The following COPG2 variants were observed in gnomAD, a reference collection of about 807,000 sequenced individuals.
The protein encoded by COPG2 is coatomer subunit gamma-2.
Under a neutral mutation model 46.3 loss-of-function variants are expected in COPG2, and 37 were observed. The ratio of observed to expected loss-of-function variants is 0.80; its 90% CI spans 0.61 to 1.05. The LOEUF (loss-of-function observed/expected upper bound fraction) is 1.05. Ranked by LOEUF, COPG2 falls within the 50% of genes least tolerant of loss-of-function variation. The probability of loss-of-function intolerance (pLI) is 0.00; values close to 1 mark genes in which losing one functional copy is unlikely to be tolerated. For missense variants in COPG2, 427 were observed against 387.8 expected, an observed-to-expected ratio of 1.10 and a Z score of -0.85; for synonymous variants, 159 against 129.7, an observed-to-expected ratio of 1.23 and a Z score of -1.53.
At chr7:130,662,471 A>G (rs1554460929) in intron 4 of COPG2, among the ~76,000 whole-genome samples, 1 of 152,240 alleles carries the variant, frequency 6.6e-6, no homozygotes, top group Admixed American at 6.5e-5. Context: ...AAGACAGACA[A>G]AAAGCAGCAG....
chr7:130,513,373 A>ATGTGTG (rs1331023317), intron 20 of COPG2, among the ~76,000 whole-genome samples: 2 of 47,064 alleles, frequency 4.2e-5, no homozygotes, highest in Non-Finnish European at 6.2e-5. Flanking sequence ...ATATATATAT[A>ATGTGTG]TATGTGTGTG....
At chr7:130,659,463 G>A (rs2116256975) in intron 4 of COPG2, among the ~76,000 whole-genome samples, 1 of 151,708 alleles carries the variant, frequency 6.6e-6, no homozygotes, top group South Asian at 2.1e-4. Flanking sequence ...AGTATCATTT[G>A]TAATAGGTAA....
intron 12 of COPG2, 52 bp from the exon 13 acceptor site, chr7:130,555,184 T>C: frequency 2.5e-6 from 1 of 396,796 alleles, no homozygotes; most frequent in Non-Finnish European, 4.4e-6. Context: ...AACTACCACC[T>C]ATAAAAAGCA....
intron 5 of COPG2, among the ~76,000 whole-genome samples, chr7:130,652,546 T>C (rs1198233308): frequency 2.6e-5 from 4 of 152,248 alleles, no homozygotes; most frequent in Admixed American, 6.5e-5. Context: ...GTTCTTTATA[T>C]ATTACAGATG....
chr7:130,529,299 A>T (rs1213260155), intron 20 of COPG2, among the ~76,000 whole-genome samples: 4 of 152,098 alleles, frequency 2.6e-5, no homozygotes, highest in African/African-American at 9.7e-5. Flanking sequence ...GATGCTGAAG[A>T]TGAAGCTGAG....
intron 8 of COPG2, 110 bp downstream of exon 8, chr7:130,612,041 CT>C: frequency 1.4e-6 from 1 of 737,984 alleles, no homozygotes; most frequent in Non-Finnish European, 2.4e-6. Context: ...CTAGTAGCTG[CT>C]TAATTTGCCT....
At chr7:130,572,450 A>C (rs1793923275) in intron 9 of COPG2, among the ~76,000 whole-genome samples, 1 of 152,156 alleles carries the variant, frequency 6.6e-6, no homozygotes, top group South Asian at 2.1e-4. Flanking sequence ...CCAAGAACGA[A>C]TTAAATACCA....
intron 9 of COPG2, among the ~76,000 whole-genome samples, chr7:130,578,463 A>G: frequency 6.6e-6 from 1 of 151,998 alleles, no homozygotes; most frequent in Non-Finnish European, 1.5e-5. Flanking sequence ...AAAGGAATGC[A>G]GTTCCTCACC....
At chr7:130,657,845 A>G (rs1230886307) in intron 4 of COPG2, among the ~76,000 whole-genome samples, 2 of 152,224 alleles carry the variant, frequency 1.3e-5, no homozygotes, top group African/African-American at 4.8e-5. Context: ...ATACCATTAT[A>G]CACCTATCAG....
At chr7:130,523,221 T>A (rs1799740512) in intron 20 of COPG2, among the ~76,000 whole-genome samples, 1 of 150,898 alleles carries the variant, frequency 6.6e-6, no homozygotes, top group African/African-American at 2.4e-5. Flanking sequence ...CATCAGTGAT[T>A]CTTATCTGAG....
intron 5 of COPG2, among the ~76,000 whole-genome samples, chr7:130,633,519 T>C (rs1391780278): frequency 2.6e-5 from 4 of 151,490 alleles, no homozygotes; most frequent in Non-Finnish European, 5.9e-5. Flanking sequence ...TATTTCATAA[T>C]CTCTTCTTTT....
chr7:130,551,631 G>A (rs1242031496), intron 15 of COPG2, among the ~76,000 whole-genome samples: 2 of 152,190 alleles, frequency 1.3e-5, no homozygotes, highest in African/African-American at 2.4e-5. Context: ...TCTTCCATCT[G>A]TAACTACATG....
At chr7:130,638,223 T>C (rs1795384077) in intron 5 of COPG2, among the ~76,000 whole-genome samples, 4 of 152,090 alleles carry the variant, frequency 2.6e-5, no homozygotes, top group Non-Finnish European at 5.9e-5. Flanking sequence ...CTTGAGGAGG[T>C]AGTCTGACCC....
chr7:130,663,085 C>CAT, intron 3 of COPG2, 47 bp from the exon 4 acceptor site: 1 of 1,055,718 alleles, frequency 9.5e-7, no homozygotes, highest in Non-Finnish European at 1.4e-6. Flanking sequence ...AGTGTATATT[C>CAT]ATATATATGT....
At chr7:130,652,675 T>C (rs1221426538) in intron 5 of COPG2, among the ~76,000 whole-genome samples, 194 bp downstream of exon 5, 1 of 152,212 alleles carries the variant, frequency 6.6e-6, no homozygotes, top group African/African-American at 2.4e-5. Flanking sequence ...TATTATCTTT[T>C]GTAACTTCTT....
chr7:130,634,544 G>GT (rs1429605817), intron 5 of COPG2, among the ~76,000 whole-genome samples: 1 of 152,152 alleles, frequency 6.6e-6, no homozygotes, highest in Non-Finnish European at 1.5e-5. Context: ...AGGAATGCCT[G>GT]TGATTTTTGC....
At chr7:130,510,279 C>A (rs1408378090) in intron 20 of COPG2, 3 of 514,460 alleles carry the variant, frequency 5.8e-6, no homozygotes, top group South Asian at 2.9e-5. Context: ...ATCAAGCCTG[C>A]AGAATCAATT....
Position 130,646,969 on chromosome 7 carries a change from GTGTATATATATATGTATATATATATA to G in COPG2, c.323+5874_323+5899del, listed in dbSNP as rs1795613012. On this transcript the variant is annotated intron_variant, in intron 5 of 23. Transcript: ENST00000425248. ...TATATATATATATGCATATATATATGTGTATATATATATGTATATATATATATGTGTATATATATATGTATATATAT... is the reference window on the plus strand; with the variant it reads ...TATATATATATATGCATATATATATGTGTGTATATATATATGTATATATAT... Among the ~76,000 whole-genome samples, 47 of 17,970 alleles carry G rather than the reference GTGTATATATATATGTATATATATATA, an allele frequency of 2.6e-3. 1 individual carries two copies. Among genetic ancestry groups the G allele is most frequent in the African/African-American group, 7.0e-3 (8 of 1,150 alleles). The allele number at this position is 17,970 out of a possible 152,430, so 11.8% of individuals were successfully genotyped here. A position where few individuals can be genotyped will look rare whatever the true frequency, so the allele number is the denominator to read the frequency against.
intron 11 of COPG2, 78 bp from the exon 12 acceptor site, chr7:130,561,299 T>G: frequency 1.3e-5 from 5 of 397,940 alleles, no homozygotes. Flanking sequence ...TTGAGGTAAG[T>G]GGCAATCCAA....
Sources: allele counts gnomAD v4.1 joint callset (sites outside exome capture counted in the v4.1 genomes callset), GRCh38; gene constraint gnomAD v4.1.1; transcripts MANE v1.5; gene names NCBI Gene and HGNC (gene_info 2026-07-23, HGNC 2026-07-21).